The following GRXCR2 variants were observed in gnomAD, a reference collection of about 807,000 sequenced individuals.
The protein encoded by GRXCR2 is glutaredoxin and cysteine rich domain containing 2.
GRXCR2 carries 23 observed loss-of-function variants against 24.8 expected under a neutral mutation model. The observed-to-expected ratio is 0.93, with a 90% CI of 0.67 to 1.32. The LOEUF (loss-of-function observed/expected upper bound fraction) is 1.32. Among genes scored for constraint, GRXCR2 ranks in the 40% most tolerant of loss-of-function variants. GRXCR2 has a pLI of 0.00. For missense variants in GRXCR2, 315 were observed against 303.4 expected, an observed-to-expected ratio of 1.04 and a Z score of -0.28; for synonymous variants, 130 against 116.1, an observed-to-expected ratio of 1.12 and a Z score of -0.77.
Position 145,872,637 on chromosome 5 carries a change from T to C in GRXCR2, c.332A>G (p.His111Arg). 1.3e-6 allele frequency: 2 copies of C among 1,596,364 alleles called. No individual in the cohort carries two copies. Among genetic ancestry groups the C allele is most frequent in the Non-Finnish European group, 1.7e-6 (2 of 1,169,222 alleles). The change falls in exon 1 of 3, where the codon CAT (histidine) becomes CGT (arginine). Residue 111 changes from histidine (H) to arginine (R), a missense_variant. By Grantham distance (29) the His-to-Arg change is conservative (BLOSUM62 0). Coordinates refer to ENST00000377976, the MANE Select transcript of GRXCR2 (RefSeq NM_001080516.2). Reference sequence around the variant, plus strand: ...TATGCCATGCACAATACCAACCTTATGGTCATTCGCCTTGTAATCGTTGAA... The same window carrying C: ...TATGCCATGCACAATACCAACCTTACGGTCATTCGCCTTGTAATCGTTGAA... The part of the protein sequence containing the change: ...PRFNDYKAND[H>R]KPLPIIDFGK...
At chr5:145,925,950 T>C (rs895817780) in intron 2 of GRXCR2, among the ~76,000 whole-genome samples, 15 of 152,226 alleles carry the variant, frequency 9.9e-5, no homozygotes, top group Non-Finnish European at 1.5e-4. Context: ...TTTTGCAACT[T>C]TCTCACTTGT....
Position 145,929,488 on chromosome 5 carries a change from C to T in GRXCR2, c.-70+6213G>A, listed in dbSNP as rs76690156. On this transcript the variant is annotated intron_variant, in intron 2 of 3. Coordinates refer to the GRXCR2 transcript ENST00000639411. Reference sequence around the variant, plus strand: ...ATGTTACAGAGAAGTCCATTGTACCCGTCACACAACTTCCCCCAATCATAA... The same window carrying T: ...ATGTTACAGAGAAGTCCATTGTACCTGTCACACAACTTCCCCCAATCATAA... Among the ~76,000 whole-genome samples, 479 of 151,924 alleles carry T rather than the reference C, an allele frequency of 3.2e-3. 7 individuals are homozygous for T. The highest frequency in any genetic ancestry group is 0.011 in the African/African-American group (459 of 41,462).
intron 2 of GRXCR2, among the ~76,000 whole-genome samples, chr5:145,910,691 T>C (rs1262495637): frequency 2.6e-5 from 4 of 152,154 alleles, no homozygotes; most frequent in Admixed American, 1.3e-4. Flanking sequence ...ACATAAAAGA[T>C]ATATAAATCA....
intron 2 of GRXCR2, among the ~76,000 whole-genome samples, chr5:145,891,279 A>G: frequency 6.6e-6 from 1 of 152,156 alleles, no homozygotes; most frequent in African/African-American, 2.4e-5. Flanking sequence ...AATGTCAGAC[A>G]GTGGGTGCAG....
In GRXCR2 at chr5:145,912,844, CAG is replaced by C. The variant is rs1370382541; in HGVS notation, c.-70+22855_-70+22856del. The stretch of plus-strand genomic sequence containing the variant: ...CAGCTTGGACAAGCAGAGATGAACT[CAG>C]AGACAGAAGTAGGGCCAGCTCATGC... On this transcript the variant is annotated intron_variant, in intron 2 of 3. Transcript: ENST00000639411. 2.6e-5 allele frequency among the ~76,000 whole-genome samples: 4 copies of C among 152,178 alleles called. No individual in the cohort carries two copies. In the East Asian group the frequency reaches 7.7e-4, roughly 29 times the overall value.
chr5:145,879,196 TCA>T (rs1756662155), intron 2 of GRXCR2, among the ~76,000 whole-genome samples: 1 of 151,954 alleles, frequency 6.6e-6, no homozygotes, highest in African/African-American at 2.4e-5. Context: ...CAAAACAATA[TCA>T]ACCTTAAATG....
At chr5:145,894,280 G>A (rs909167616) in intron 2 of GRXCR2, among the ~76,000 whole-genome samples, 11 of 152,078 alleles carry the variant, frequency 7.2e-5, no homozygotes, top group African/African-American at 7.2e-5. Flanking sequence ...AAATAACTAA[G>A]ATCAGAGCAG....
chr5:145,908,704 C>A (rs898024197), intron 2 of GRXCR2, among the ~76,000 whole-genome samples: 7 of 151,992 alleles, frequency 4.6e-5, no homozygotes, highest in Non-Finnish European at 8.8e-5. Context: ...GGAAAAGGAC[C>A]CTGGGGATTT....
upstream of GRXCR2, among the ~76,000 whole-genome samples, chr5:145,875,029 C>G (rs1011971238): frequency 1.3e-5 from 2 of 152,214 alleles, no homozygotes; most frequent in Non-Finnish European, 2.9e-5. Flanking sequence ...TCGGACCTAC[C>G]GCCATTCAGA....
At chr5:145,931,355 G>C (rs1313544186) in intron 2 of GRXCR2, among the ~76,000 whole-genome samples, 1 of 152,098 alleles carries the variant, frequency 6.6e-6, no homozygotes, top group Non-Finnish European at 1.5e-5. Context: ...TTGACTGCTG[G>C]TTCCAACTGT....
intron 2 of GRXCR2, among the ~76,000 whole-genome samples, chr5:145,903,386 A>C (rs1209800938): frequency 3.3e-5 from 5 of 152,148 alleles, no homozygotes; most frequent in African/African-American, 1.2e-4. Context: ...CTCTGGGGCC[A>C]CCCTGCTAAG....
chr5:145,896,883 C>T (rs1290109073), intron 2 of GRXCR2, among the ~76,000 whole-genome samples: 2 of 152,020 alleles, frequency 1.3e-5, no homozygotes, highest in African/African-American at 4.8e-5. Flanking sequence ...TGGAACCAAG[C>T]CAAATGTCCA....
intron 2 of GRXCR2, among the ~76,000 whole-genome samples, chr5:145,894,284 A>C (rs1321090828): frequency 1.3e-5 from 2 of 152,218 alleles, no homozygotes; most frequent in African/African-American, 4.8e-5. Context: ...AACTAAGATC[A>C]GAGCAGAAGT....
chr5:145,912,790 G>C (rs1269553746), intron 2 of GRXCR2, among the ~76,000 whole-genome samples: 1 of 152,070 alleles, frequency 6.6e-6, no homozygotes, highest in Non-Finnish European at 1.5e-5. Flanking sequence ...AGTGTGACCT[G>C]AGTAAAGTGA....
intron 2 of GRXCR2, among the ~76,000 whole-genome samples, chr5:145,929,807 T>G (rs1489687216): frequency 1.3e-5 from 2 of 152,162 alleles, no homozygotes; most frequent in Non-Finnish European, 2.9e-5. Flanking sequence ...AGAAATGCAC[T>G]TAAGAATCTC....
At chr5:145,895,253 C>T (rs11738122) in intron 2 of GRXCR2, among the ~76,000 whole-genome samples, 12 of 152,064 alleles carry the variant, frequency 7.9e-5, no homozygotes, top group African/African-American at 2.9e-4. Flanking sequence ...CTCACCACTC[C>T]TATTCAACAT....
rs140758542 is a variant in GRXCR2 at position 145,862,556 on chromosome 5, A to G, written c.565-2641T>C. ...ATTCTCAGAAAATATTTAGTAGGATATAGAACATAGTTGCACAGCATAGCT... is the reference window on the plus strand; with the variant it reads ...ATTCTCAGAAAATATTTAGTAGGATGTAGAACATAGTTGCACAGCATAGCT... On this transcript the variant is annotated intron_variant, in intron 2 of 2. Coordinates refer to ENST00000377976, the MANE Select transcript of GRXCR2 (RefSeq NM_001080516.2). 4.9e-3 allele frequency among the ~76,000 whole-genome samples: 743 copies of G among 152,320 alleles called. 7 individuals carry two copies. The highest frequency in any genetic ancestry group is 0.017 in the African/African-American group (704 of 41,582).
At chr5:145,881,200 A>T (rs540375257) in intron 2 of GRXCR2, among the ~76,000 whole-genome samples, 31 of 152,370 alleles carry the variant, frequency 2.0e-4, no homozygotes, top group Non-Finnish European at 4.0e-4. Flanking sequence ...CAAGAGAAAG[A>T]AATAAAGGGT....
At chr5:145,925,607 C>T (rs1413811565) in intron 2 of GRXCR2, among the ~76,000 whole-genome samples, 2 of 152,128 alleles carry the variant, frequency 1.3e-5, no homozygotes, top group South Asian at 2.1e-4. Context: ...ATTTTTTAAG[C>T]ACCTACTTGT....
Sources: gnomAD v4.1 joint callset for allele counts (sites outside exome capture counted in the v4.1 genomes callset) on GRCh38, gnomAD v4.1.1 for gene constraint, MANE v1.5 for transcripts, NCBI Gene and HGNC (gene_info 2026-07-23, HGNC 2026-07-21) for gene names.